The following CCNG1 variants were observed in gnomAD, a reference collection of about 807,000 sequenced individuals.
CCNG1 encodes cyclin G1.
CCNG1 carries 13 observed loss-of-function variants against 30.0 expected under a neutral mutation model. The ratio of observed to expected loss-of-function variants is 0.43; its 90% confidence interval spans 0.28 to 0.69. The LOEUF (loss-of-function observed/expected upper bound fraction) is 0.69, where lower values mean the gene tolerates loss of function less well. Ranked by LOEUF, CCNG1 falls within the 30% of genes least tolerant of loss-of-function variation. CCNG1 has a pLI of 0.16. For synonymous variants in CCNG1, 110 were observed against 121.5 expected (o/e 0.91, Z 0.62); for missense variants, 285 against 331.4 (o/e 0.86, Z 1.09).
Position 163,441,935 on chromosome 5 carries a change from C to A in CCNG1, c.568C>A (p.His190Asn). The change falls in exon 4 of 7, where the codon CAT becomes AAT. Residue 190 changes from histidine (H) to asparagine (N), a missense_variant. Transcript: ENST00000340828. The stretch of plus-strand genomic sequence containing the variant: ...ACTAGAAGCTCAACTGAAGGCATGT[C>A]ATTGCAGGATCATATTTTCTAAAGC... ...ERLEAQLKAC[H>N]CRIIFSKAKP... The A allele has an allele frequency of 6.2e-7, 1 of 1,609,262 alleles. No individual in the cohort carries two copies.
At chr5:163,439,152 G>A in intron 1 of CCNG1, 105 bp from the exon 2 acceptor site, 2 of 960,108 alleles carry the variant, frequency 2.1e-6, no homozygotes, top group Admixed American at 2.3e-5. Flanking sequence ...CCGCATTGGG[G>A]GATGGGAGGC....
rs768166170 is a variant in CCNG1, at chr5:163,441,170, T to G, written c.357T>G (p.Thr119=). Residue 119 remains threonine, a synonymous_variant, in exon 3 of 7, where the codon ACT becomes ACG. Transcript: ENST00000340828. ...IEEERNVPLA[T]DLIRISQYRF... ...AGGAAAGGAATGTCCCATTGGCAAC[T>G]GACTTGATCCGAATAAGTCAATATA... 6.2e-7 allele frequency: 1 copy of G among 1,614,006 alleles called. No individual in the cohort carries two copies. The highest frequency in any genetic ancestry group is 1.7e-5 in the Admixed American group (1 of 60,018).
Position 163,441,881 on chromosome 5 carries a change from T to C in CCNG1, c.519-5T>C. On this transcript the variant is annotated splice_polypyrimidine_tract_variant and splice_region_variant and intron_variant, in intron 3 of 6. Coordinates refer to ENST00000340828, the MANE Select transcript of CCNG1 (RefSeq NM_004060.4). ...AATAAAAGTAATACCATTTTCTTTT[T>C]AAAGGAGAAATAGCATTAATTTTGA... 1 of 1,565,692 alleles carries C rather than the reference T, an allele frequency of 6.4e-7. No individual in the cohort carries two copies. Among genetic ancestry groups the C allele is most frequent in the Non-Finnish European group, 8.8e-7 (1 of 1,138,422 alleles).
chr5:163,445,026 G>A (rs1758000331), downstream of CCNG1: 1 of 152,134 alleles, frequency 6.6e-6, no homozygotes, highest in African/African-American at 2.4e-5. Context: ...ATCCTTTGCT[G>A]GGTGGCTTTT....
chr5:163,438,217 A>AGCAACAACCCACC (rs1350085197), intron 1 of CCNG1, among the ~76,000 whole-genome samples: 1 of 152,156 alleles, frequency 6.6e-6, no homozygotes, highest in Non-Finnish European at 1.5e-5. Flanking sequence ...AGACTAGGTT[A>AGCAACAACCCACC]GCAACAACCC....
chr5:163,455,229 A>C, the CCNG1 span, among the ~76,000 whole-genome samples: 1 of 152,224 alleles, frequency 6.6e-6, no homozygotes, highest in East Asian at 1.9e-4. Context: ...AATGATATGA[A>C]AACATAAAAG....
chr5:163,450,355 A>G (rs1467434651), downstream of CCNG1: 1 of 152,210 alleles, frequency 6.6e-6, no homozygotes, highest in Non-Finnish European at 1.5e-5. Context: ...GATGGATAAG[A>G]CTTCATCAAA....
chr5:163,457,611 C>A, the CCNG1 span: 1 of 1,580,766 alleles, frequency 6.3e-7, no homozygotes, highest in African/African-American at 1.3e-5. Flanking sequence ...AGAGTTTGCC[C>A]TGAAAAATAA....
At chr5:163,440,936 T>G in intron 2 of CCNG1, 142 bp from the exon 3 acceptor site, 1 of 883,298 alleles carries the variant, frequency 1.1e-6, no homozygotes, top group Non-Finnish European at 1.7e-6. Context: ...ATGAGTGGAT[T>G]GTGTTAAGTC....
At position 163,437,631 on chromosome 5, in the gene CCNG1, T is replaced by G. The variant is rs1757547572; in HGVS notation, c.-174T>G. ...CGAGCTGACCCTGATCAGGGCCGAG[T>G]TGTCTCGGCGGCGCTGCCGAGGCCT... On this transcript the variant is annotated 5_prime_UTR_variant, in exon 1 of 7. Coordinates refer to ENST00000340828, the MANE Select transcript of CCNG1 (RefSeq NM_004060.4). 2.6e-5 allele frequency: 4 copies of G among 151,908 alleles called. No individual in the cohort carries two copies. The allele number at this position is 151,908 out of a possible 1,614,324, so 9.4% of individuals were successfully genotyped here.
Position 163,437,597 on chromosome 5 carries a change from C to T in CCNG1, c.-208C>T, listed in dbSNP as rs1225343347. ...TTCCTCGTTAGGGCAGGCGCGGCCC[C>T]TTCGGCTCCGAGCTGACCCTGATCA... On this transcript the variant is annotated 5_prime_UTR_variant, in exon 1 of 7. Transcript: ENST00000340828. 1 of 152,208 alleles carries T rather than the reference C, an allele frequency of 6.6e-6. No individual in the cohort carries two copies. Among genetic ancestry groups the T allele is most frequent in the Non-Finnish European group, 1.5e-5 (1 of 68,116 alleles). 9.4% of individuals were successfully genotyped at this position (152,208 alleles called of 1,614,324 possible). A position where few individuals can be genotyped will look rare whatever the true frequency, so the allele number is the denominator to read the frequency against.
chr5:163,455,538 C>A, the CCNG1 span, among the ~76,000 whole-genome samples: 1 of 152,150 alleles, frequency 6.6e-6, no homozygotes, highest in African/African-American at 2.4e-5. Context: ...CCAAGGCGGG[C>A]GGATCACGAG....
chr5:163,449,130 TTCCTA>T (rs1432519463), downstream of CCNG1: 1 of 152,058 alleles, frequency 6.6e-6, no homozygotes, highest in East Asian at 1.9e-4. Context: ...AATAAAACTG[TTCCTA>T]TTCGTAGTTT....
chr5:163,450,090 A>G (rs1758140708), downstream of CCNG1: 1 of 152,018 alleles, frequency 6.6e-6, no homozygotes, highest in South Asian at 2.1e-4. Flanking sequence ...AACTCTACTA[A>G]AAATAAAAAA....
Position 163,442,585 on chromosome 5 carries a change from A to G in CCNG1, c.*3+17A>G. Reference sequence around the variant, plus strand: ...CCTTAACTGGTAAATTTGGTCCGTTATTATTCTCCAGATAGAGAACATTTT... The same window carrying G: ...CCTTAACTGGTAAATTTGGTCCGTTGTTATTCTCCAGATAGAGAACATTTT... On this transcript the variant is annotated intron_variant, in intron 6 of 6. Coordinates refer to ENST00000340828, the MANE Select transcript of CCNG1 (RefSeq NM_004060.4). The G allele has an allele frequency of 1.3e-6, 2 of 1,564,920 alleles. No homozygotes were observed. The highest frequency in any genetic ancestry group is 8.7e-7 in the Non-Finnish European group (1 of 1,149,592).
At chr5:163,448,821 A>G (rs1002956284), downstream of CCNG1, 3 of 152,350 alleles carry the variant, frequency 2.0e-5, no homozygotes, top group Non-Finnish European at 2.9e-5. Flanking sequence ...AAATTCTGGA[A>G]TCAGTAAAAT....
At position 163,442,077 on chromosome 5, in the gene CCNG1, A is replaced by C. The variant is rs767739121; in HGVS notation, c.630A>C (p.Leu210Phe). Residue 210 changes from leucine (L) to phenylalanine (F), a missense_variant, in exon 5 of 7, where the codon TTA (leucine) becomes TTC (phenylalanine). Physicochemically the swap from Leu to Phe is conservative, Grantham distance 22 (BLOSUM62 0). Transcript: ENST00000340828. Reference sequence around the variant, plus strand: ...TGTTGGCATTGTCTATCATTGCATTAGAGATCCAAGCACAGAAGTGTGTAG... The same window carrying C: ...TGTTGGCATTGTCTATCATTGCATTCGAGATCCAAGCACAGAAGTGTGTAG... ...PSVLALSIIA[L>F]EIQAQKCVEL... is the part of the protein sequence containing the mutation. 11 of 1,612,194 alleles carry C rather than the reference A, an allele frequency of 6.8e-6. No individual in the cohort carries two copies. Among genetic ancestry groups the C allele is most frequent in the Non-Finnish European group, 9.3e-6 (11 of 1,178,486 alleles).
At chr5:163,446,350 CATT>C (rs893265154), downstream of CCNG1, among the ~76,000 whole-genome samples, 2 of 152,180 alleles carry the variant, frequency 1.3e-5, no homozygotes, top group African/African-American at 4.8e-5. Flanking sequence ...AACTGAATGA[CATT>C]ATCCCAATTT....
At chr5:163,457,435 G>T in the CCNG1 span, 1 of 650,030 alleles carries the variant, frequency 1.5e-6, no homozygotes, top group South Asian at 2.1e-5. Flanking sequence ...GACATACAAC[G>T]GTTTTCAACA....
Sources: gnomAD v4.1 joint callset for allele counts (sites outside exome capture counted in the v4.1 genomes callset) on GRCh38, gnomAD v4.1.1 for gene constraint, MANE v1.5 for transcripts, NCBI Gene and HGNC (gene_info 2026-07-23, HGNC 2026-07-21) for gene names.